Variants in B3GALT1 observed in about 807,000 individuals in gnomAD.
B3GALT1 encodes the protein beta-1,3-galactosyltransferase 1, also known as UDP-Gal:betaGlcNAc beta 1,3-galactosyltransferase, polypeptide 1.
A neutral mutation model predicts 23.2 loss-of-function variants in B3GALT1; 10 were observed. That is an observed-to-expected ratio of 0.43 (90% CI 0.27 to 0.73). B3GALT1 has a LOEUF of 0.73. B3GALT1 is among the 30% of genes least tolerant of loss of function. The pLI, the probability that B3GALT1 is intolerant of heterozygous loss-of-function variation, is 0.21. For synonymous variants in B3GALT1, 156 were observed against 141.5 expected (o/e 1.10, Z -0.73); for missense variants, 299 against 405.4 (o/e 0.74, Z 2.25).
rs149217272 is a variant in B3GALT1, at chr2:167,859,507, T to A, written c.-229-9304T>A. ...CCCTAGGCCCACACACACAAAGACA[T>A]CCTCATCCCAACCACTCCTCTTTCA... On this transcript the variant is annotated intron_variant, in intron 4 of 4. Transcript: ENST00000392690. Among the ~76,000 whole-genome samples, 34 of 152,248 alleles carry A rather than the reference T, an allele frequency of 2.2e-4. No individual in the cohort carries two copies. In the East Asian group the frequency reaches 3.3e-3, roughly 15 times the overall value.
At chr2:167,389,909 C>CAAAAAAAA (rs141871874) in intron 1 of B3GALT1, among the ~76,000 whole-genome samples, 2 of 112,596 alleles carry the variant, frequency 1.8e-5, no homozygotes, top group Admixed American at 9.4e-5. Context: ...ATACCCTGTC[C>CAAAAAAAA]AAAAAAAAAA....
chr2:167,498,985 T>C (rs547519828), intron 2 of B3GALT1, among the ~76,000 whole-genome samples: 1 of 152,290 alleles, frequency 6.6e-6, no homozygotes, highest in African/African-American at 2.4e-5. Context: ...GCCTGCTTGG[T>C]CTGTATGTAA....
chr2:167,499,775 T>C (rs1699827416), intron 2 of B3GALT1, among the ~76,000 whole-genome samples: 1 of 151,994 alleles, frequency 6.6e-6, no homozygotes, highest in Non-Finnish European at 1.5e-5. Context: ...GTGCCCTACA[T>C]TAAAGACAAA....
In B3GALT1 at chr2:167,568,785, C is replaced by T. The variant is rs563055127; in HGVS notation, c.-409-78124C>T. 1.5e-3 allele frequency among the ~76,000 whole-genome samples: 229 copies of T among 150,826 alleles called. 1 individual carries two copies. The highest frequency in any genetic ancestry group is 6.8e-3 in the Middle Eastern group (2 of 294). ...ATCATGTCTTTGATTTTTTTTTTAT[C>T]TAAAGAGTCATTGCCATACCCAAGA... On this transcript the variant is annotated intron_variant, in intron 2 of 4. Coordinates refer to ENST00000392690, the MANE Select transcript of B3GALT1 (RefSeq NM_020981.4).
At chr2:167,568,792 G>A (rs1020551505) in intron 2 of B3GALT1, among the ~76,000 whole-genome samples, 2 of 151,480 alleles carry the variant, frequency 1.3e-5, no homozygotes, top group African/African-American at 4.8e-5. Flanking sequence ...TATCTAAAGA[G>A]TCATTGCCAT....
chr2:167,444,901 C>T (rs1434871827), intron 1 of B3GALT1, among the ~76,000 whole-genome samples: 1 of 152,176 alleles, frequency 6.6e-6, no homozygotes, highest in African/African-American at 2.4e-5. Context: ...TTCTTGCCTT[C>T]TGCTAGCTTT....
rs1166697135 is a variant in B3GALT1, at chr2:167,564,027, G to A, written c.-410+73750G>A. 2.0e-5 allele frequency among the ~76,000 whole-genome samples: 3 copies of A among 149,922 alleles called. No homozygotes were observed. In the East Asian group the frequency reaches 6.2e-4, roughly 31 times the overall value. On this transcript the variant is annotated intron_variant, in intron 2 of 4. Coordinates refer to ENST00000392690, the MANE Select transcript of B3GALT1 (RefSeq NM_020981.4). Reference sequence around the variant, plus strand: ...CGACCCTCCCACCTCCCTCCCGGACGAGGTGGCTGCTGGGAGGAGACGCTC... The same window carrying A: ...CGACCCTCCCACCTCCCTCCCGGACAAGGTGGCTGCTGGGAGGAGACGCTC...
chr2:167,411,121 A>G (rs1468191133), intron 1 of B3GALT1, among the ~76,000 whole-genome samples: 1 of 152,040 alleles, frequency 6.6e-6, no homozygotes, highest in Non-Finnish European at 1.5e-5. Context: ...ATTCCAGAAC[A>G]TTGGTCTAAA....
chr2:167,647,414 A>G (rs551111444), intron 3 of B3GALT1, among the ~76,000 whole-genome samples: 5 of 152,312 alleles, frequency 3.3e-5, no homozygotes, highest in Non-Finnish European at 5.9e-5. Context: ...CTCTCATCCC[A>G]TAAGTCTTTG....
At chr2:167,723,343 G>C (rs887622270) in intron 3 of B3GALT1, among the ~76,000 whole-genome samples, 3 of 152,038 alleles carry the variant, frequency 2.0e-5, no homozygotes, top group African/African-American at 4.8e-5. Flanking sequence ...GAAACTACAG[G>C]ACTTAATGAA....
chr2:167,547,214 A>G (rs576624159), intron 2 of B3GALT1, among the ~76,000 whole-genome samples: 1 of 152,276 alleles, frequency 6.6e-6, no homozygotes, highest in Non-Finnish European at 1.5e-5. Context: ...CACATGTTTC[A>G]ACAGATCCAT....
intron 1 of B3GALT1, among the ~76,000 whole-genome samples, chr2:167,398,928 T>G (rs1698142531): frequency 6.6e-6 from 1 of 152,122 alleles, no homozygotes; most frequent in African/African-American, 2.4e-5. Flanking sequence ...GCCAGTATAT[T>G]TAATGCCAAG....
rs1055925261 is a variant in B3GALT1 at position 167,614,196 on chromosome 2, T to C, written c.-409-32713T>C. On this transcript the variant is annotated intron_variant, in intron 2 of 4. Transcript: ENST00000392690. Reference sequence around the variant, plus strand: ...AAATAAATGCCTTATTTTAAAAATTTAGTAAATTGACTATGCTTGTTTATA... The same window carrying C: ...AAATAAATGCCTTATTTTAAAAATTCAGTAAATTGACTATGCTTGTTTATA... 2.0e-5 allele frequency among the ~76,000 whole-genome samples: 3 copies of C among 151,792 alleles called. No homozygotes were observed. In the East Asian group the frequency reaches 5.8e-4, roughly 29 times the overall value.
intron 3 of B3GALT1, among the ~76,000 whole-genome samples, chr2:167,683,146 A>G (rs1686562126): frequency 6.6e-6 from 1 of 152,234 alleles, no homozygotes; most frequent in Non-Finnish European, 1.5e-5. Context: ...GATTCCCTAA[A>G]TACTTTAAGC....
Position 167,869,639 on chromosome 2 carries a change from A to G in B3GALT1, c.600A>G (p.Arg200=). The part of the protein sequence containing the change: ...KLLKPSTKPR[R]RYFTGYVING... ...TGAAACCCTCCACCAAGCCACGAAG[A>G]AGGTATTTTACTGGCTATGTCATTA... The change falls in exon 5 of 5, where the codon AGA becomes AGG. Residue 200 remains arginine, a synonymous_variant. Transcript: ENST00000392690. The surrounding 1 kb of genome is among the most constrained non-coding windows in gnomAD (Gnocchi z 6.4). The G allele has an allele frequency of 6.2e-7, 1 of 1,614,180 alleles. No individual in the cohort carries two copies. Among genetic ancestry groups the G allele is most frequent in the African/African-American group, 1.3e-5 (1 of 75,032 alleles).
At chr2:167,838,581 C>T (rs966310981) in intron 4 of B3GALT1, among the ~76,000 whole-genome samples, 1 of 152,252 alleles carries the variant, frequency 6.6e-6, no homozygotes, top group South Asian at 2.1e-4. Flanking sequence ...GATTCACAGC[C>T]GAATTCTACC....
chr2:167,789,225 T>G (rs1242706425), intron 3 of B3GALT1, among the ~76,000 whole-genome samples: 12 of 152,228 alleles, frequency 7.9e-5, no homozygotes, highest in Non-Finnish European at 2.9e-5. Context: ...TCACCATGTC[T>G]TTGTGGCTTT....
chr2:167,656,762 G>A (rs1486791988), intron 3 of B3GALT1, among the ~76,000 whole-genome samples: 1 of 152,046 alleles, frequency 6.6e-6, no homozygotes, highest in Non-Finnish European at 1.5e-5. Flanking sequence ...ATACCAAATT[G>A]GACCATATTC....
intron 2 of B3GALT1, among the ~76,000 whole-genome samples, chr2:167,508,512 C>T (rs1163255228): frequency 6.6e-6 from 1 of 152,010 alleles, no homozygotes; most frequent in African/African-American, 2.4e-5. Context: ...CCTGCCTCAC[C>T]CTCCCAAAGT....
Sources: gnomAD v4.1 joint callset for allele counts (sites outside exome capture counted in the v4.1 genomes callset) on GRCh38, gnomAD v4.1.1 for gene constraint, Gnocchi (gnomAD v3.1) non-coding constraint, MANE v1.5 for transcripts, NCBI Gene and HGNC (gene_info 2026-07-23, HGNC 2026-07-21) for gene names.